Variants in CARMIL1 observed in about 807,000 individuals in gnomAD.
The protein encoded by CARMIL1 is F-actin-uncapping protein LRRC16A.
A neutral mutation model predicts 177.1 loss-of-function variants in CARMIL1; 90 were observed. The observed-to-expected ratio is 0.51, with a 90% CI of 0.43 to 0.61. The LOEUF is 0.61. CARMIL1 is among the 20% of genes least tolerant of loss of function. The pLI is 0.00. For synonymous variants in CARMIL1, 577 were observed against 606.2 expected, an observed-to-expected ratio of 0.95 and a Z score of 0.71; for missense variants, 1,380 against 1,667.0, an observed-to-expected ratio of 0.83 and a Z score of 3.00.
intron 2 of CARMIL1, among the ~76,000 whole-genome samples, chr6:25,312,030 A>G (rs1783861029): frequency 6.6e-6 from 1 of 152,248 alleles, no homozygotes; most frequent in Non-Finnish European, 1.5e-5. Flanking sequence ...ACAAAAGGGT[A>G]AAATATTGTC....
chr6:25,309,068 A>T (rs1045205390), intron 2 of CARMIL1, among the ~76,000 whole-genome samples: 1 of 151,878 alleles, frequency 6.6e-6, no homozygotes, highest in Non-Finnish European at 1.5e-5. Context: ...TTATTTTGAA[A>T]ATGGAGACAG....
intron 8 of CARMIL1, 183 bp from the exon 9 acceptor site, chr6:25,465,690 C>G (rs1409046491): frequency 1.8e-6 from 1 of 563,680 alleles, no homozygotes. Context: ...CAATTTACTT[C>G]AACTTTTGGG....
intron 12 of CARMIL1, among the ~76,000 whole-genome samples, chr6:25,484,114 C>G (rs1167839339): frequency 6.6e-6 from 1 of 152,162 alleles, no homozygotes; most frequent in South Asian, 2.1e-4. Flanking sequence ...TCACCACACC[C>G]TGTATGACTA....
chr6:25,544,394 G>T (rs574404235), intron 26 of CARMIL1, among the ~76,000 whole-genome samples: 139 of 151,742 alleles, frequency 9.2e-4, no homozygotes, highest in African/African-American at 3.3e-3. Context: ...GCAGGGAGAG[G>T]CTCTTTTTTT....
At chr6:25,297,241 C>G (rs973632703) in intron 2 of CARMIL1, among the ~76,000 whole-genome samples, 15 of 152,354 alleles carry the variant, frequency 9.8e-5, no homozygotes, top group African/African-American at 3.6e-4. Context: ...ATAATCAAAA[C>G]TAGGCTGCAC....
At chr6:25,480,139 G>A (rs59703029) in intron 11 of CARMIL1, among the ~76,000 whole-genome samples, 40,232 of 151,918 alleles carry the variant, frequency 0.26, 5,475 homozygotes, top group South Asian at 0.38. Flanking sequence ...AATGTATTCT[G>A]TAGTTACTGG....
At position 25,515,043 on chromosome 6, in the gene CARMIL1, G is replaced by C. The variant is rs1400529119; in HGVS notation, c.1633-632G>C. Among the ~76,000 whole-genome samples, 7 of 152,224 alleles carry C rather than the reference G, an allele frequency of 4.6e-5. No individual in the cohort carries two copies. Among genetic ancestry groups the C allele is most frequent in the South Asian group, 2.1e-4 (1 of 4,832 alleles). On this transcript the variant is annotated intron_variant, in intron 20 of 36. Transcript: ENST00000329474. The surrounding 1 kb of genome is among the most constrained non-coding windows in gnomAD (Gnocchi z 5.0). ...TGAAATCTGGAACCAGTACATCTGGGTTTGAATCCTAGTTCAGGTGCTTTC... is the reference window on the plus strand; with the variant it reads ...TGAAATCTGGAACCAGTACATCTGGCTTTGAATCCTAGTTCAGGTGCTTTC...
intron 2 of CARMIL1, among the ~76,000 whole-genome samples, chr6:25,341,286 A>G (rs1786908151): frequency 6.6e-6 from 1 of 152,234 alleles, no homozygotes; most frequent in Non-Finnish European, 1.5e-5. Flanking sequence ...TGCCAGAGAC[A>G]ATAAAAAAAA....
At chr6:25,484,425 C>T (rs755446758) in intron 12 of CARMIL1, among the ~76,000 whole-genome samples, 1 of 152,220 alleles carries the variant, frequency 6.6e-6, no homozygotes, top group Non-Finnish European at 1.5e-5. Flanking sequence ...TTTATGTGCA[C>T]ACATTTATAC....
intron 26 of CARMIL1, among the ~76,000 whole-genome samples, chr6:25,546,694 G>A (rs1414805459): frequency 7.2e-6 from 1 of 139,802 alleles, no homozygotes; most frequent in Non-Finnish European, 1.6e-5. Context: ...AAAAAAAATT[G>A]TGTTTCTATA....
intron 2 of CARMIL1, among the ~76,000 whole-genome samples, chr6:25,328,352 A>T (rs1347573753): frequency 6.8e-6 from 1 of 146,616 alleles, no homozygotes; most frequent in East Asian, 2.1e-4. Context: ...GACTCTGTAC[A>T]TGCTCAGTGT....
chr6:25,475,625 C>G (rs1801498203), intron 11 of CARMIL1, among the ~76,000 whole-genome samples: 1 of 152,168 alleles, frequency 6.6e-6, no homozygotes, highest in African/African-American at 2.4e-5. Context: ...CACTGGAATA[C>G]TACTCAAAAG....
At chr6:25,366,120 A>C (rs1300769454) in intron 2 of CARMIL1, among the ~76,000 whole-genome samples, 2 of 151,872 alleles carry the variant, frequency 1.3e-5, no homozygotes, top group Non-Finnish European at 2.9e-5. Context: ...AGCCTCCCAA[A>C]TAGCTAGGAT....
intron 8 of CARMIL1, among the ~76,000 whole-genome samples, chr6:25,456,422 A>G (rs930824866): frequency 6.6e-6 from 1 of 152,188 alleles, no homozygotes; most frequent in African/African-American, 2.4e-5. Flanking sequence ...TAGTCTCTGG[A>G]GAACAGTAAT....
chr6:25,319,895 C>T (rs2150235020), intron 2 of CARMIL1, among the ~76,000 whole-genome samples: 1 of 150,844 alleles, frequency 6.6e-6, no homozygotes, highest in South Asian at 2.1e-4. Flanking sequence ...AGCCTATTTT[C>T]ACCTCTTTAA....
chr6:25,518,862 T>C (rs1158075209), intron 22 of CARMIL1, among the ~76,000 whole-genome samples: 1 of 152,176 alleles, frequency 6.6e-6, no homozygotes, highest in East Asian at 1.9e-4. Context: ...AGAAATTGGA[T>C]GAGGGAAAGA....
At chr6:25,306,207 G>T (rs1018406536) in intron 2 of CARMIL1, among the ~76,000 whole-genome samples, 2 of 152,020 alleles carry the variant, frequency 1.3e-5, no homozygotes, top group Non-Finnish European at 2.9e-5. Flanking sequence ...TTTGTGTCTG[G>T]CTTGTGTCAT....
chr6:25,560,517 GCTCTTTGTGA>G (rs372867154), intron 29 of CARMIL1, among the ~76,000 whole-genome samples: 30 of 152,182 alleles, frequency 2.0e-4, no homozygotes, highest in Admixed American at 1.9e-3. Context: ...ACTATTCTGA[GCTCTTTGTGA>G]CTGTTAACCA....
chr6:25,414,011 TTAG>T (rs1358083893), intron 2 of CARMIL1, among the ~76,000 whole-genome samples: 1 of 152,166 alleles, frequency 6.6e-6, no homozygotes, highest in Non-Finnish European at 1.5e-5. Flanking sequence ...TAAGATGCTA[TTAG>T]TTAAGTTATA....
Sources: gnomAD v4.1 joint callset for allele counts (sites outside exome capture counted in the v4.1 genomes callset) on GRCh38, gnomAD v4.1.1 for gene constraint, Gnocchi (gnomAD v3.1) non-coding constraint, MANE v1.5 for transcripts, NCBI Gene and HGNC (gene_info 2026-07-23, HGNC 2026-07-21) for gene names.